FAM83H: variants seen among roughly 807,000 people sequenced by gnomAD.
The protein encoded by FAM83H is protein FAM83H.
A neutral mutation model predicts 30.2 loss-of-function variants in FAM83H; 24 were observed. That is an observed-to-expected ratio of 0.79 (90% CI 0.57 to 1.12). The LOEUF is 1.12. Among genes scored for constraint, FAM83H ranks in the 50% most tolerant of loss-of-function variants. The probability of loss-of-function intolerance (pLI) is 0.00; values close to 1 mark genes in which losing one functional copy is unlikely to be tolerated. For missense variants in FAM83H, 2,038 were observed against 1,773.9 expected (o/e 1.15, Z -2.67); for synonymous variants, 1,013 against 821.7 (o/e 1.23, Z -3.98).
chr8:143,725,572 A>G lies in FAM83H; in HGVS notation c.*349T>C. On this transcript the variant is annotated 3_prime_UTR_variant, in exon 5 of 5. Transcript: ENST00000388913. ...GACCGCTCAACTGCACTCCAGCCCTAGGTCTCAAAAAAATAAAGGGGGCGG... is the reference window on the plus strand; with the variant it reads ...GACCGCTCAACTGCACTCCAGCCCTGGGTCTCAAAAAAATAAAGGGGGCGG... The G allele has an allele frequency of 2.5e-6, 1 of 401,134 alleles. No individual in the cohort carries two copies. The highest frequency in any genetic ancestry group is 4.6e-6 in the Non-Finnish European group (1 of 216,796). 24.8% of individuals were successfully genotyped at this position (401,134 alleles called of 1,614,324 possible).
chr8:143,725,708 G>T lies in FAM83H; in HGVS notation c.*213C>A. On this transcript the variant is annotated 3_prime_UTR_variant, in exon 5 of 5. Transcript: ENST00000388913. Reference sequence around the variant, plus strand: ...AAAGGCACTGGTGGCGAGGGGTGCAGCCCCAGCGTTGGGGAGGCCAGGGGG... The same window carrying T: ...AAAGGCACTGGTGGCGAGGGGTGCATCCCCAGCGTTGGGGAGGCCAGGGGG... 1.4e-6 allele frequency: 1 copy of T among 723,802 alleles called. No individual in the cohort carries two copies. The highest frequency in any genetic ancestry group is 2.2e-6 in the Non-Finnish European group (1 of 448,134). The allele number at this position is 723,802 out of a possible 1,614,324, so 44.8% of individuals were successfully genotyped here.
chr8:143,726,767 G>C lies in FAM83H; in HGVS notation c.2694C>G (p.Ile898Met), dbSNP rs781934743. The change falls in exon 5 of 5, where the codon ATC becomes ATG. Residue 898 changes from isoleucine to methionine, a missense_variant. By Grantham distance (10) the Ile-to-Met change is conservative. Coordinates refer to ENST00000388913, the MANE Select transcript of FAM83H (RefSeq NM_198488.5). ...CTGAGGTGGGGCTCCCCTTCTGCTC[G>C]ATAAATCCTGTAGTTGGACTTCCTC... ...TRRGSPTTGF[I>M]EQKGSPTSAY... The C allele has an allele frequency of 1.2e-6, 2 of 1,611,590 alleles. No homozygotes were observed. Among genetic ancestry groups the C allele is most frequent in the African/African-American group, 1.3e-5 (1 of 74,792 alleles).
Position 143,727,916 on chromosome 8 carries a change from C to A in FAM83H, c.1545G>T (p.Ala515=). 1.3e-6 allele frequency: 2 copies of A among 1,497,270 alleles called. No individual in the cohort carries two copies. Among genetic ancestry groups the A allele is most frequent in the African/African-American group, 1.4e-5 (1 of 69,322 alleles). The allele number at this position is 1,497,270 out of a possible 1,614,324, so 92.7% of individuals were successfully genotyped here. Residue 515 remains alanine, a synonymous_variant, in exon 5 of 5, where the codon GCG becomes GCT. Transcript: ENST00000388913. ...CCGAGCCGTGGCGCACCTCGCGGGA[C>A]GCGCTGGACGGCACGTAGTCCAGCC... ...HQRLDYVPSS[A]SREVRHGSDP...
In FAM83H at chr8:143,728,393, C is replaced by T; in HGVS notation, c.1068G>A (p.Arg356=). ...PDRHFLSAFR[R]EEPPRMPGGA... Reference sequence around the variant, plus strand: ...CCCCCGGCATCCGCGGCGGCTCCTCCCGGCGGAAGGCCGACAGGAAGTGGC... The same window carrying T: ...CCCCCGGCATCCGCGGCGGCTCCTCTCGGCGGAAGGCCGACAGGAAGTGGC... The change falls in exon 5 of 5, where the codon CGG becomes CGA. Residue 356 remains arginine (R), a synonymous_variant. Transcript: ENST00000388913. The T allele has an allele frequency of 6.5e-7, 1 of 1,546,806 alleles. No homozygotes were observed. The highest frequency in any genetic ancestry group is 8.7e-7 in the Non-Finnish European group (1 of 1,144,910).
Position 143,727,262 on chromosome 8 carries a change from C to G in FAM83H, c.2199G>C (p.Lys733Asn). The G allele has an allele frequency of 1.3e-6, 2 of 1,535,418 alleles. No individual in the cohort carries two copies. The highest frequency in any genetic ancestry group is 1.7e-6 in the Non-Finnish European group (2 of 1,146,494). The change falls in exon 5 of 5, where the codon AAG (lysine) becomes AAC (asparagine). Residue 733 changes from lysine to asparagine, a missense_variant. Physicochemically the swap from Lys to Asn is moderately conservative, Grantham distance 94. Coordinates refer to ENST00000388913, the MANE Select transcript of FAM83H (RefSeq NM_198488.5). ...TGTACTTCTCCAGCAGCTCCGCCAC[C>G]TTGGTGGAAGCCGCGGAGCGCACGG... ...GEAVRSAASTKVAELLEKYKG... is the reference protein window; with the variant it reads ...GEAVRSAASTNVAELLEKYKG...
Position 143,729,278 on chromosome 8 carries a change from T to C in FAM83H, c.493A>G (p.Ser165Gly), listed in dbSNP as rs1554623796. 1 of 1,613,386 alleles carries C rather than the reference T, an allele frequency of 6.2e-7. No homozygotes were observed. Among genetic ancestry groups the C allele is most frequent in the Admixed American group, 1.7e-5 (1 of 60,028 alleles). Residue 165 changes from serine (S) to glycine (G), a missense_variant, in exon 3 of 5, where the codon AGC becomes GGC. Coordinates refer to ENST00000388913, the MANE Select transcript of FAM83H (RefSeq NM_198488.5). The part of the protein sequence containing the change: ...MDMFTDVDLL[S>G]EVLEAAARRV... ...CGGGCCGCGGCCTCCAGCACTTCGC[T>C]GAGCAGGTCCACATCAGTGAACATG... is the stretch of plus-strand genomic sequence containing the variant.
rs782507594 is a variant in FAM83H, at chr8:143,727,655, C to T, written c.1806G>A (p.Ala602=). 4 of 1,575,198 alleles carry T rather than the reference C, an allele frequency of 2.5e-6. No homozygotes were observed. The highest frequency in any genetic ancestry group is 1.1e-5 in the South Asian group (1 of 87,808). Residue 602 remains alanine, a synonymous_variant, in exon 5 of 5, where the codon GCG becomes GCA. Coordinates refer to ENST00000388913, the MANE Select transcript of FAM83H (RefSeq NM_198488.5). The stretch of plus-strand genomic sequence containing the variant: ...CTTCGTAAGCCTCCGCTTCCATGGG[C>T]GCCGGTAGGCCGTCGTCGCCCCCAT... The part of the protein sequence containing the change: ...GEDGGDDGLP[A]PMEAEAYEDD...
chr8:143,731,581 C>T lies in FAM83H; in HGVS notation c.-15-984G>A, dbSNP rs1036119310. The T allele has an allele frequency of 1.4e-5, 14 of 985,474 alleles. No homozygotes were observed. In the Admixed American group the frequency reaches 5.5e-4, roughly 39 times the overall value. The allele number at this position is 985,474 out of a possible 1,614,324, so 61.0% of individuals were successfully genotyped here. A position where few individuals can be genotyped will look rare whatever the true frequency, so the allele number is the denominator to read the frequency against. On this transcript the variant is annotated intron_variant, in intron 1 of 4. Transcript: ENST00000388913. ...CTGTCTCCCAGCACCCCCTCCTTCC[C>T]TTGGCCTACCTTTGACCTCTTTCTT... is the stretch of plus-strand genomic sequence containing the variant.
At chr8:143,732,017 G>C (rs1382503749) in intron 1 of FAM83H, 28 of 985,330 alleles carry the variant, frequency 2.8e-5, no homozygotes, top group Non-Finnish European at 3.3e-5. Flanking sequence ...TAGCACACAG[G>C]TTCCTGAATG....
chr8:143,729,690 G>A (rs1237778344), intron 2 of FAM83H, among the ~76,000 whole-genome samples: 1 of 152,256 alleles, frequency 6.6e-6, no homozygotes, highest in East Asian at 1.9e-4. Context: ...GTTCTGCCCT[G>A]GGACGGGGTT....
chr8:143,728,907 G>A, intron 4 of FAM83H, 60 bp downstream of exon 4: 2 of 1,611,496 alleles, frequency 1.2e-6, no homozygotes, highest in Non-Finnish European at 8.5e-7. Flanking sequence ...GTGGAAAGGG[G>A]GTGCTGGGGT....
Position 143,727,025 on chromosome 8 carries a change from C to T in FAM83H, c.2436G>A (p.Ala812=), listed in dbSNP as rs1419452051. ...HQEAERQPGA[A]SLTAAQLLDT... Reference sequence around the variant, plus strand: ...CGAGCAGCTGCGCCGCGGTGAGCGACGCGGCTCCCGGCTGCCGCTCCGCCT... The same window carrying T: ...CGAGCAGCTGCGCCGCGGTGAGCGATGCGGCTCCCGGCTGCCGCTCCGCCT... Residue 812 remains alanine, a synonymous_variant, in exon 5 of 5, where the codon GCG becomes GCA. Transcript: ENST00000388913. 8.3e-6 allele frequency: 13 copies of T among 1,561,970 alleles called. No homozygotes were observed. The highest frequency in any genetic ancestry group is 2.7e-5 in the African/African-American group (2 of 73,750).
Position 143,725,892 on chromosome 8 carries a change from C to CCCTGGCCTGGGTTG in FAM83H, c.*15_*28dup, listed in dbSNP as rs1563756405. 1.2e-6 allele frequency: 2 copies of CCCTGGCCTGGGTTG among 1,610,266 alleles called. No individual in the cohort carries two copies. Among genetic ancestry groups the CCCTGGCCTGGGTTG allele is most frequent in the East Asian group, 2.2e-5 (1 of 44,844 alleles). ...GATGACCGGGGCAGCGATGCGGGCACCCTGGCCTGGGTTGCCAGGCCAGAA... is the reference window on the plus strand; with the variant it reads ...GATGACCGGGGCAGCGATGCGGGCACCCTGGCCTGGGTTGCCTGGCCTGGGTTGCCAGGCCAGAA... On this transcript the variant is annotated 3_prime_UTR_variant, in exon 5 of 5. Coordinates refer to ENST00000388913, the MANE Select transcript of FAM83H (RefSeq NM_198488.5).
chr8:143,728,617 C>T lies in FAM83H; in HGVS notation c.844G>A (p.Glu282Lys), dbSNP rs1818400607. 1 of 1,609,612 alleles carries T rather than the reference C, an allele frequency of 6.2e-7. No homozygotes were observed. Among genetic ancestry groups the T allele is most frequent in the Non-Finnish European group, 8.5e-7 (1 of 1,179,586 alleles). The change falls in exon 5 of 5, where the codon GAG becomes AAG. Residue 282 changes from glutamate (E) to lysine (K), a missense_variant. Glu to Lys is a moderately conservative substitution (Grantham distance 56). Coordinates refer to ENST00000388913, the MANE Select transcript of FAM83H (RefSeq NM_198488.5). ...EEFRILFAQS[E>K]PLVPSAAALA... ...GCCGCGGCCGAGGGCACAAGCGGCT[C>T]GGACTGCGCGAAGAGGATGCGGAAC...
chr8:143,728,125 T>C lies in FAM83H; in HGVS notation c.1336A>G (p.Ser446Gly). 1 of 1,610,562 alleles carries C rather than the reference T, an allele frequency of 6.2e-7. No individual in the cohort carries two copies. Among genetic ancestry groups the C allele is most frequent in the South Asian group, 1.1e-5 (1 of 91,032 alleles). ...TAGAGCTGGTCACGGTGGAAGTGGC[T>C]GGTCTGGAAGCGGAAGTCGTCGCCG... Reference protein sequence around the residue: ...SHGDDFRFQTSHFHRDQLYQQ... With the variant: ...SHGDDFRFQTGHFHRDQLYQQ... Residue 446 changes from serine to glycine, a missense_variant, in exon 5 of 5, where the codon AGC becomes GGC. Transcript: ENST00000388913.
In FAM83H at chr8:143,727,276, C is replaced by T. The variant is rs782097582; in HGVS notation, c.2185G>A (p.Ala729Thr). ...LGPGGEAVRS[A>T]ASTKVAELLE... ...AGCTCCGCCACCTTGGTGGAAGCCGCGGAGCGCACGGCCTCTCCGCCGGGC... is the reference window on the plus strand; with the variant it reads ...AGCTCCGCCACCTTGGTGGAAGCCGTGGAGCGCACGGCCTCTCCGCCGGGC... The change falls in exon 5 of 5, where the codon GCG becomes ACG. Residue 729 changes from alanine (A) to threonine (T), a missense_variant. By Grantham distance (58) the Ala-to-Thr change is moderately conservative. Transcript: ENST00000388913. The T allele has an allele frequency of 1.3e-6, 2 of 1,535,780 alleles. No homozygotes were observed. The highest frequency in any genetic ancestry group is 1.7e-6 in the Non-Finnish European group (2 of 1,146,736).
In FAM83H at chr8:143,727,615, G is replaced by A. The variant is rs1236169381; in HGVS notation, c.1846C>T (p.Pro616Ser). 10 of 1,580,132 alleles carry A rather than the reference G, an allele frequency of 6.3e-6. No homozygotes were observed. The highest frequency in any genetic ancestry group is 8.5e-6 in the Non-Finnish European group (10 of 1,170,096). The change falls in exon 5 of 5, where the codon CCC (proline) becomes TCC (serine). Residue 616 changes from proline to serine, a missense_variant. Transcript: ENST00000388913. ...TCGCCGGCAGGTGCCCGGCCCCCGG[G>A]AGCCAGCACGTCGTCTTCGTAAGCC... ...AEAYEDDVLA[P>S]GGRAPAGDLL...
In FAM83H at chr8:143,726,398, C is replaced by T. The variant is rs782507248; in HGVS notation, c.3063G>A (p.Ala1021=). ...EAATEERGPR[A]RLSSATANAL... ...CGTTGGCCGTGGCTGAGGACAGGCG[C>T]GCCCGCGGACCCCGCTCTTCTGTGG... Residue 1021 remains alanine, a synonymous_variant, in exon 5 of 5, where the codon GCG becomes GCA. Coordinates refer to ENST00000388913, the MANE Select transcript of FAM83H (RefSeq NM_198488.5). 8.1e-6 allele frequency: 13 copies of T among 1,607,184 alleles called. No homozygotes were observed. The highest frequency in any genetic ancestry group is 6.6e-5 in the South Asian group (6 of 90,416).
chr8:143,731,892 C>T, intron 1 of FAM83H: 3 of 966,762 alleles, frequency 3.1e-6, no homozygotes, highest in Non-Finnish European at 3.7e-6. Context: ...GGCCCACGCA[C>T]ACAGGGTCAC....
Sources: allele counts gnomAD v4.1 joint callset (sites outside exome capture counted in the v4.1 genomes callset), GRCh38; gene constraint gnomAD v4.1.1; transcripts MANE v1.5; gene names NCBI Gene and HGNC (gene_info 2026-07-23, HGNC 2026-07-21).